Variants in PCDHGA5 observed in about 807,000 individuals in gnomAD.
The protein encoded by PCDHGA5 is protocadherin gamma-A5.
A neutral mutation model predicts 56.7 loss-of-function variants in PCDHGA5; 36 were observed. That is an observed-to-expected ratio of 0.64 (90% CI 0.49 to 0.84). The LOEUF (loss-of-function observed/expected upper bound fraction) is 0.84, where lower values mean the gene tolerates loss of function less well. PCDHGA5 is among the 40% of genes least tolerant of loss of function. The probability of loss-of-function intolerance (pLI) is 0.00; values close to 1 mark genes in which losing one functional copy is unlikely to be tolerated. For missense variants in PCDHGA5, 1,305 were observed against 1,201.5 expected (o/e 1.09, Z -1.27); for synonymous variants, 563 against 520.2 (o/e 1.08, Z -1.12).
intron 1 of PCDHGA5, chr5:141,393,911 T>C: frequency 3.7e-6 from 6 of 1,614,002 alleles, no homozygotes; most frequent in Non-Finnish European, 5.1e-6. Context: ...GGACAGTAAT[T>C]GCCTTCTTGA....
At chr5:141,501,809 A>G (rs2099811165) in intron 2 of PCDHGA5, among the ~76,000 whole-genome samples, 1 of 152,176 alleles carries the variant, frequency 6.6e-6, no homozygotes, top group African/African-American at 2.4e-5. Flanking sequence ...ACCCAGCTTC[A>G]CATAATTGGC....
At position 141,364,634 on chromosome 5, in the gene PCDHGA5, T is replaced by C. The variant is rs762469223; in HGVS notation, c.304T>C (p.Cys102Arg). The C allele has an allele frequency of 3.1e-6, 5 of 1,614,006 alleles. No homozygotes were observed. Among genetic ancestry groups the C allele is most frequent in the Non-Finnish European group, 3.4e-6 (4 of 1,179,968 alleles). Residue 102 changes from cysteine (C) to arginine (R), a missense_variant, in exon 1 of 4, where the codon TGT (cysteine) becomes CGT (arginine). Cys to Arg is a radical substitution (Grantham distance 180). Coordinates refer to ENST00000518069, the MANE Select transcript of PCDHGA5 (RefSeq NM_018918.3). ...GGAGCTCTGCGCTCAGAGCCCACTG[T>C]GTGTGGTGAACTTTAACATCTTGGT... ...REELCAQSPL[C>R]VVNFNILVEN...
In PCDHGA5 at chr5:141,511,149, G is replaced by T; in HGVS notation, c.2772G>T (p.Lys924Asn). The change falls in exon 4 of 4, where the codon AAG becomes AAT. Residue 924 changes from lysine to asparagine, a missense_variant. By Grantham distance (94) the Lys-to-Asn change is moderately conservative. Transcript: ENST00000518069. ...APAGGNGNKKKSGKKEKK is the reference protein window; with the variant it reads ...APAGGNGNKKNSGKKEKK The stretch of plus-strand genomic sequence containing the variant: ...CAGGTGGCAATGGCAACAAGAAGAA[G>T]TCGGGCAAGAAGGAGAAGAAGTAAC... 1 of 1,614,176 alleles carries T rather than the reference G, an allele frequency of 6.2e-7. No homozygotes were observed. The highest frequency in any genetic ancestry group is 8.5e-7 in the Non-Finnish European group (1 of 1,179,998).
rs1004061582 is a variant in PCDHGA5, at chr5:141,477,406, A to C, written c.2422-17401A>C. ...AATACAACCTCAGCATCACCGCCCG[A>C]GACGCCGGAACCCCTTCCCTCTCAG... On this transcript the variant is annotated intron_variant, in intron 1 of 3. Transcript: ENST00000518069. The surrounding 1 kb of genome is among the most constrained non-coding windows in gnomAD (Gnocchi z 4.9). 6.2e-7 allele frequency: 1 copy of C among 1,614,036 alleles called. No homozygotes were observed. Among genetic ancestry groups the C allele is most frequent in the Admixed American group, 1.7e-5 (1 of 59,994 alleles).
At chr5:141,508,033 C>A (rs1596123382) in intron 3 of PCDHGA5, 1 of 152,290 alleles carries the variant, frequency 6.6e-6, no homozygotes, top group Non-Finnish European at 1.5e-5. Flanking sequence ...GTTTGCAGCT[C>A]AGCCAGCTGT....
At chr5:141,376,909 G>T (rs1253318299) in intron 1 of PCDHGA5, 1 of 186,916 alleles carries the variant, frequency 5.3e-6, no homozygotes, top group Non-Finnish European at 1.1e-5. Context: ...GGATGGTCTC[G>T]ATCTCCTGAC....
At chr5:141,498,073 T>C (rs1474889879) in intron 2 of PCDHGA5, among the ~76,000 whole-genome samples, 1 of 152,214 alleles carries the variant, frequency 6.6e-6, no homozygotes, top group Non-Finnish European at 1.5e-5. Context: ...CTGTCATAAG[T>C]GCTAGGTAGA....
rs530007628 is a variant in PCDHGA5 at position 141,376,702 on chromosome 5, C to T, written c.2421+9951C>T. 1,559 of 561,286 alleles carry T rather than the reference C, an allele frequency of 2.8e-3. 9 individuals carry two copies. The highest frequency in any genetic ancestry group is 3.4e-3 in the Non-Finnish European group (1,255 of 368,136). The allele number at this position is 561,286 out of a possible 1,614,324, so 34.8% of individuals were successfully genotyped here. On this transcript the variant is annotated intron_variant, in intron 1 of 3. Transcript: ENST00000518069. Reference sequence around the variant, plus strand: ...TTTTTTTTTTTTTTTTTTTTTGAGACGGAGTCTCGCTCTGTCGCCCAGGCC... The same window carrying T: ...TTTTTTTTTTTTTTTTTTTTTGAGATGGAGTCTCGCTCTGTCGCCCAGGCC...
chr5:141,427,810 G>A (rs2097074260), intron 1 of PCDHGA5: 1 of 1,523,990 alleles, frequency 6.6e-7, no homozygotes, highest in Non-Finnish European at 9.0e-7. Flanking sequence ...AGCGCACAGA[G>A]CGGGGTGGTG....
intron 1 of PCDHGA5, chr5:141,371,772 C>A (rs1169459102): frequency 6.2e-7 from 1 of 1,614,022 alleles, no homozygotes; most frequent in Admixed American, 1.7e-5. Context: ...CTACACCGTG[C>A]ATGTAGCTGA....
In PCDHGA5 at chr5:141,409,944, C is replaced by T. The variant is rs779095634; in HGVS notation, c.2421+43193C>T. The T allele has an allele frequency of 6.2e-7, 1 of 1,613,302 alleles. No individual in the cohort carries two copies. The highest frequency in any genetic ancestry group is 1.7e-5 in the Admixed American group (1 of 60,024). On this transcript the variant is annotated intron_variant, in intron 1 of 3. Transcript: ENST00000518069. ...GCGTTCTTCGATATGGTACCTCGCTCTGCAGAGCCCGGCTACCTAGTGACT... is the reference window on the plus strand; with the variant it reads ...GCGTTCTTCGATATGGTACCTCGCTTTGCAGAGCCCGGCTACCTAGTGACT...
At chr5:141,382,828 G>T (rs986779175) in intron 1 of PCDHGA5, 1 of 1,372,334 alleles carries the variant, frequency 7.3e-7, no homozygotes. Context: ...AGACAGAGGG[G>T]TCCACCCGGA....
Position 141,366,572 on chromosome 5 carries a change from G to T in PCDHGA5, c.2242G>T (p.Ala748Ser), listed in dbSNP as rs1454034279. ...CTTTGTGGGCGTGGATGGGGTTCGG[G>T]CTTTCCTGCAGACCTATTCCCACGA... ...SHFVGVDGVR[A>S]FLQTYSHEVS... Residue 748 changes from alanine (A) to serine (S), a missense_variant, in exon 1 of 4, where the codon GCT (alanine) becomes TCT (serine). By Grantham distance (99) the Ala-to-Ser change is moderately conservative. Coordinates refer to ENST00000518069, the MANE Select transcript of PCDHGA5 (RefSeq NM_018918.3). The T allele has an allele frequency of 6.2e-7, 1 of 1,614,148 alleles. No homozygotes were observed. The highest frequency in any genetic ancestry group is 1.3e-5 in the African/African-American group (1 of 74,954).
At chr5:141,423,558 G>A (rs770532900) in intron 1 of PCDHGA5, 1 of 1,613,462 alleles carries the variant, frequency 6.2e-7, no homozygotes, top group African/African-American at 1.3e-5. Flanking sequence ...CCAACTATGG[G>A]GACACGCTCA....
chr5:141,405,351 C>T (rs2094645564), intron 1 of PCDHGA5: 1 of 1,613,962 alleles, frequency 6.2e-7, no homozygotes, highest in Non-Finnish European at 8.5e-7. Context: ...TCCAAGTTTC[C>T]TATAGAAGAC....
chr5:141,487,802 C>T lies in PCDHGA5; in HGVS notation c.2422-7005C>T, dbSNP rs765438219. The T allele has an allele frequency of 9.5e-6, 14 of 1,477,306 alleles. No individual in the cohort carries two copies. The South Asian group carries it at 1.7e-4, about 18-fold the overall frequency. 91.5% of individuals were successfully genotyped at this position (1,477,306 alleles called of 1,614,324 possible). A position where few individuals can be genotyped will look rare whatever the true frequency, so the allele number is the denominator to read the frequency against. ...TTTCGTGAATTAACCAGAGTTGTCACAGTTTAGCATTGGGGGCGGGTCATG... is the reference window on the plus strand; with the variant it reads ...TTTCGTGAATTAACCAGAGTTGTCATAGTTTAGCATTGGGGGCGGGTCATG... On this transcript the variant is annotated intron_variant, in intron 1 of 3. Transcript: ENST00000518069. The surrounding 1 kb of genome is among the most constrained non-coding windows in gnomAD (Gnocchi z 5.0).
rs374154790 is a variant in PCDHGA5, at chr5:141,490,709, C to A, written c.2422-4098C>A. The A allele has an allele frequency of 3.2e-5, 52 of 1,614,218 alleles. No homozygotes were observed. In the African/African-American group the frequency reaches 6.3e-4, roughly 19 times the overall value. On this transcript the variant is annotated intron_variant, in intron 1 of 3. Coordinates refer to ENST00000518069, the MANE Select transcript of PCDHGA5 (RefSeq NM_018918.3). The surrounding 1 kb of genome is among the most constrained non-coding windows in gnomAD (Gnocchi z 5.4). ...GACACTGGGGATAATGCCCGCCTCA[C>A]CTACTCCATTGTAGGAAATCAGGTT...
intron 1 of PCDHGA5, chr5:141,409,635 AC>A: frequency 6.2e-7 from 1 of 1,613,784 alleles, no homozygotes; most frequent in Non-Finnish European, 8.5e-7. Context: ...AGCGCCTCTG[AC>A]CCGGATTTGG....
intron 1 of PCDHGA5, among the ~76,000 whole-genome samples, chr5:141,402,221 G>A (rs567791316): frequency 1.3e-5 from 2 of 151,942 alleles, no homozygotes; most frequent in Admixed American, 6.5e-5. Context: ...TAAAATAAAC[G>A]TTTTTCCAGG....
Sources: gnomAD v4.1 joint callset for allele counts (sites outside exome capture counted in the v4.1 genomes callset) on GRCh38, gnomAD v4.1.1 for gene constraint, Gnocchi (gnomAD v3.1) non-coding constraint, MANE v1.5 for transcripts, NCBI Gene and HGNC (gene_info 2026-07-23, HGNC 2026-07-21) for gene names.